The following PRKCH variants were observed in gnomAD, a reference collection of about 807,000 sequenced individuals.
The protein encoded by PRKCH is protein kinase C eta type.
A neutral mutation model predicts 82.5 loss-of-function variants in PRKCH; 28 were observed. The observed-to-expected ratio is 0.34, with a 90% confidence interval of 0.25 to 0.47. PRKCH has a LOEUF of 0.47. Ranked by LOEUF, PRKCH falls within the 20% of genes least tolerant of loss-of-function variation. PRKCH has a pLI of 1.00. For synonymous variants in PRKCH, 322 were observed against 327.4 expected (o/e 0.98, Z 0.18); for missense variants, 705 against 881.8 (o/e 0.80, Z 2.54).
rs143380211 is a variant in PRKCH at position 61,498,107 on chromosome 14, G to T, written c.1433+12451G>T. On this transcript the variant is annotated intron_variant, in intron 10 of 13. Transcript: ENST00000332981. ...TCAGCTCACTGCAGCCTCTCCTCCC[G>T]GGCTCAAGCGATTCTCCTGCCTCAG... 6.6e-5 allele frequency among the ~76,000 whole-genome samples: 10 copies of T among 152,118 alleles called. No individual in the cohort carries two copies. In the East Asian group the frequency reaches 1.9e-3, roughly 29 times the overall value.
intron 7 of PRKCH, among the ~76,000 whole-genome samples, chr14:61,454,852 G>A (rs1884684706): frequency 6.6e-6 from 1 of 152,154 alleles, no homozygotes; most frequent in Non-Finnish European, 1.5e-5. Context: ...GATCTGAACG[G>A]TGTAGCTTGG....
chr14:61,297,095 C>T (rs960798085), intron 1 of PRKCH, among the ~76,000 whole-genome samples: 13 of 152,088 alleles, frequency 8.5e-5, no homozygotes, highest in African/African-American at 3.1e-4. Flanking sequence ...CTTCTTTTGG[C>T]TTATGGTTTG....
intron 2 of PRKCH, among the ~76,000 whole-genome samples, chr14:61,421,974 G>A (rs1263325384): frequency 1.3e-5 from 2 of 152,216 alleles, no homozygotes; most frequent in Non-Finnish European, 2.9e-5. Flanking sequence ...GTGGACCCCA[G>A]GCTAGACAGG....
At chr14:61,264,039 A>G (rs2045074563) in intron 1 of PRKCH, among the ~76,000 whole-genome samples, 1 of 152,082 alleles carries the variant, frequency 6.6e-6, no homozygotes. Context: ...ATAACTGTAT[A>G]CCAGAGGCCG....
intron 1 of PRKCH, among the ~76,000 whole-genome samples, chr14:61,378,715 A>T (rs2046458487): frequency 6.6e-6 from 1 of 152,096 alleles, no homozygotes; most frequent in Non-Finnish European, 1.5e-5. Context: ...GTCTCAGTTA[A>T]TGGCACCAGG....
At chr14:61,501,424 G>A (rs1349658616) in intron 10 of PRKCH, among the ~76,000 whole-genome samples, 1 of 151,764 alleles carries the variant, frequency 6.6e-6, no homozygotes, top group African/African-American at 2.4e-5. Flanking sequence ...AAAGAGAGAT[G>A]TGTGCTCATT....
intron 1 of PRKCH, among the ~76,000 whole-genome samples, chr14:61,270,169 C>T (rs1043503258): frequency 6.6e-6 from 1 of 152,158 alleles, no homozygotes; most frequent in African/African-American, 2.4e-5. Flanking sequence ...GCTTTCTGCT[C>T]TGATGAAAGA....
At chr14:61,373,627 G>A (rs1403739897) in intron 1 of PRKCH, among the ~76,000 whole-genome samples, 2 of 152,016 alleles carry the variant, frequency 1.3e-5, no homozygotes, top group Non-Finnish European at 2.9e-5. Context: ...TTGAGACAGA[G>A]CATCAGTCTG....
chr14:61,431,757 T>C (rs1008459400), intron 2 of PRKCH, among the ~76,000 whole-genome samples: 2 of 152,242 alleles, frequency 1.3e-5, no homozygotes, highest in African/African-American at 2.4e-5. Context: ...TGTTATATTT[T>C]CCTGGTAAAA....
chr14:61,294,216 G>A (rs2045388486), intron 1 of PRKCH, among the ~76,000 whole-genome samples: 1 of 152,056 alleles, frequency 6.6e-6, no homozygotes, highest in Non-Finnish European at 1.5e-5. Context: ...CACCTCCTGG[G>A]TTCACGCCAT....
chr14:61,285,078 T>C (rs992195613), intron 1 of PRKCH, among the ~76,000 whole-genome samples: 2 of 152,202 alleles, frequency 1.3e-5, no homozygotes, highest in Admixed American at 6.5e-5. Flanking sequence ...CTTTTCTGCA[T>C]ATAACCCTTT....
chr14:61,493,017 G>T (rs1394210235), intron 10 of PRKCH, among the ~76,000 whole-genome samples: 4 of 152,224 alleles, frequency 2.6e-5, no homozygotes, highest in Non-Finnish European at 5.9e-5. Flanking sequence ...AGGAACTTTG[G>T]TAGCACTGGA....
chr14:61,404,089 C>T (rs1206204974), intron 2 of PRKCH, among the ~76,000 whole-genome samples: 2 of 152,182 alleles, frequency 1.3e-5, no homozygotes, highest in Non-Finnish European at 2.9e-5. Context: ...CCTAATAACA[C>T]CCTGTGTCAG....
chr14:61,332,499 C>T (rs958701429), intron 1 of PRKCH, among the ~76,000 whole-genome samples: 1 of 152,166 alleles, frequency 6.6e-6, no homozygotes, highest in Non-Finnish European at 1.5e-5. Flanking sequence ...CCTTTGATTG[C>T]GTATAAGTTT....
At chr14:61,223,769 C>T (rs1263355855) in intron 1 of PRKCH, among the ~76,000 whole-genome samples, 2 of 152,280 alleles carry the variant, frequency 1.3e-5, no homozygotes, top group East Asian at 3.9e-4. Flanking sequence ...TCAGGAGGCC[C>T]CTCAGAGCCA....
chr14:61,321,522 G>T (rs1455932742), upstream of PRKCH, among the ~76,000 whole-genome samples: 2 of 152,164 alleles, frequency 1.3e-5, no homozygotes, highest in Admixed American at 6.5e-5. The surrounding 1 kb of genome is among the most constrained non-coding windows in gnomAD (Gnocchi z 4.1). Context: ...GCCGGGCCGC[G>T]GACCGCGGGC....
chr14:61,297,146 A>T (rs1434374021), intron 1 of PRKCH, among the ~76,000 whole-genome samples: 1 of 152,186 alleles, frequency 6.6e-6, no homozygotes, highest in African/African-American at 2.4e-5. Context: ...TATGGAAAGC[A>T]CTTGGCATTC....
At chr14:61,285,762 G>C (rs78234744) in intron 1 of PRKCH, among the ~76,000 whole-genome samples, 245 of 152,326 alleles carry the variant, frequency 1.6e-3, no homozygotes, top group African/African-American at 5.5e-3. Context: ...GTAATGGGGA[G>C]ATGAGGGATT....
chr14:61,399,580 C>T (rs1024218165), intron 2 of PRKCH, among the ~76,000 whole-genome samples: 1 of 152,156 alleles, frequency 6.6e-6, no homozygotes, highest in African/African-American at 2.4e-5. Context: ...TCCTTTTGTT[C>T]CGTCATAAAG....
Sources: allele counts gnomAD v4.1 joint callset (sites outside exome capture counted in the v4.1 genomes callset), GRCh38; gene constraint gnomAD v4.1.1; non-coding constraint Gnocchi (gnomAD v3.1); transcripts MANE v1.5; gene names NCBI Gene and HGNC (gene_info 2026-07-23, HGNC 2026-07-21).